Variants in METTL24 observed in about 807,000 individuals in gnomAD.
METTL24 encodes the protein methyltransferase like 24.
METTL24 carries 29 observed loss-of-function variants against 32.7 expected under a neutral mutation model. That is an observed-to-expected ratio of 0.89 (90% CI 0.66 to 1.21). The LOEUF (loss-of-function observed/expected upper bound fraction) is 1.21. Ranked by LOEUF, METTL24 falls within the 50% of genes most tolerant of loss-of-function variation. METTL24 has a pLI of 0.00. For synonymous variants in METTL24, 163 were observed against 179.5 expected (o/e 0.91, Z 0.73); for missense variants, 439 against 468.1 (o/e 0.94, Z 0.57).
rs1778144755 is a variant in METTL24 at position 110,245,786 on chromosome 6, T to C, written c.*160A>G. ...TTTAACAAGTATTGACTGTGCCCCATCACATGCCAAGCACTAGGCTGCATG... is the reference window on the plus strand; with the variant it reads ...TTTAACAAGTATTGACTGTGCCCCACCACATGCCAAGCACTAGGCTGCATG... On this transcript the variant is annotated 3_prime_UTR_variant, in exon 5 of 5. Coordinates refer to ENST00000338882, the MANE Select transcript of METTL24 (RefSeq NM_001123364.3). 1.5e-6 allele frequency: 1 copy of C among 669,280 alleles called. No individual in the cohort carries two copies. Among genetic ancestry groups the C allele is most frequent in the South Asian group, 1.8e-5 (1 of 54,056 alleles). 41.5% of individuals were successfully genotyped at this position (669,280 alleles called of 1,614,324 possible). A position where few individuals can be genotyped will look rare whatever the true frequency, so the allele number is the denominator to read the frequency against.
intron 1 of METTL24, chr6:110,332,680 G>A (rs1305036534): frequency 1.3e-5 from 2 of 156,176 alleles, no homozygotes; most frequent in Admixed American, 6.5e-5. Context: ...GGCTGAGGTG[G>A]GAGGATCACC....
chr6:110,262,681 G>A (rs1770761725), intron 4 of METTL24, among the ~76,000 whole-genome samples: 1 of 152,258 alleles, frequency 6.6e-6, no homozygotes, highest in Admixed American at 6.5e-5. Context: ...GAGAATTTTA[G>A]AGCAATATCC....
At chr6:110,261,201 G>A (rs1039660505) in intron 4 of METTL24, among the ~76,000 whole-genome samples, 9 of 152,194 alleles carry the variant, frequency 5.9e-5, no homozygotes, top group African/African-American at 1.9e-4. Flanking sequence ...AGACCCATCA[G>A]TGTGCTGTAT....
intron 1 of METTL24, among the ~76,000 whole-genome samples, chr6:110,356,547 C>T (rs760002099): frequency 9.2e-5 from 14 of 152,186 alleles, no homozygotes; most frequent in Admixed American, 2.6e-4. Flanking sequence ...TTTCTTGACT[C>T]CCCAGGCAGA....
chr6:110,274,246 C>T (rs562864419), intron 4 of METTL24, among the ~76,000 whole-genome samples: 23 of 152,280 alleles, frequency 1.5e-4, no homozygotes, highest in Non-Finnish European at 2.6e-4. Flanking sequence ...GTGCCCACCA[C>T]TATGCCCAGC....
chr6:110,341,636 A>T (rs1267941914), intron 1 of METTL24, among the ~76,000 whole-genome samples: 1 of 152,198 alleles, frequency 6.6e-6, no homozygotes, highest in Non-Finnish European at 1.5e-5. Context: ...TCAAACCTAA[A>T]ATGTATAGTA....
intron 4 of METTL24, among the ~76,000 whole-genome samples, chr6:110,297,346 A>G (rs1318009779): frequency 6.6e-6 from 1 of 152,220 alleles, no homozygotes; most frequent in Non-Finnish European, 1.5e-5. Flanking sequence ...TCCGCAGATC[A>G]CTTTTTCAAA....
At chr6:110,352,132 T>G (rs1405186161) in intron 1 of METTL24, among the ~76,000 whole-genome samples, 1 of 152,220 alleles carries the variant, frequency 6.6e-6, no homozygotes, top group Non-Finnish European at 1.5e-5. Flanking sequence ...GCTACAGCCT[T>G]AGGTAACTCA....
intron 4 of METTL24, among the ~76,000 whole-genome samples, chr6:110,264,341 C>A (rs1175234719): frequency 2.0e-5 from 3 of 152,138 alleles, no homozygotes; most frequent in African/African-American, 7.2e-5. Context: ...CAAAAGAAGA[C>A]ATTTATGCAG....
chr6:110,273,772 G>A (rs1464988503), intron 4 of METTL24, among the ~76,000 whole-genome samples: 1 of 152,162 alleles, frequency 6.6e-6, no homozygotes, highest in African/African-American at 2.4e-5. Flanking sequence ...TACAGTACTG[G>A]TGAAAATGTA....
At chr6:110,288,965 G>A (rs1771272518) in intron 4 of METTL24, among the ~76,000 whole-genome samples, 1 of 152,106 alleles carries the variant, frequency 6.6e-6, no homozygotes, top group African/African-American at 2.4e-5. Context: ...ACTAGCTGCT[G>A]GCCTAAGAAG....
intron 4 of METTL24, among the ~76,000 whole-genome samples, chr6:110,277,383 G>C (rs1366203850): frequency 6.6e-6 from 1 of 152,086 alleles, no homozygotes; most frequent in Non-Finnish European, 1.5e-5. Flanking sequence ...TAATTTCAAG[G>C]AATAAAAACC....
chr6:110,336,542 C>A (rs916788402), intron 1 of METTL24, among the ~76,000 whole-genome samples: 1 of 151,952 alleles, frequency 6.6e-6, no homozygotes, highest in Non-Finnish European at 1.5e-5. Flanking sequence ...AGATAGAGAC[C>A]ATCCTGGCTA....
rs1170559061 is a variant in METTL24, at chr6:110,358,198, G to A, written c.75C>T (p.Phe25=). The A allele has an allele frequency of 1.4e-6, 2 of 1,458,020 alleles. No individual in the cohort carries two copies. The highest frequency in any genetic ancestry group is 3.0e-5 in the East Asian group (1 of 33,154). The allele number at this position is 1,458,020 out of a possible 1,614,324, so 90.3% of individuals were successfully genotyped here. Residue 25 remains phenylalanine (F), a synonymous_variant, in exon 1 of 5, where the codon TTC becomes TTT. Coordinates refer to ENST00000338882, the MANE Select transcript of METTL24 (RefSeq NM_001123364.3). The part of the protein sequence containing the change: ...RRCLLGAVLL[F]GLRLCAELRR... The stretch of plus-strand genomic sequence containing the variant: ...GCAGCTCTGCGCAGAGCCGCAGGCC[G>A]AACAACAGCACAGCCCCGAGTAGAC...
In METTL24 at chr6:110,246,184, T is replaced by A. The variant is rs767078233; in HGVS notation, c.863A>T (p.Glu288Val). Reference sequence around the variant, plus strand: ...CTCAAAGATGAGCTGTCCAATCTGCTCAAGAACATCTTCCAGAATAAGATT... The same window carrying A: ...CTCAAAGATGAGCTGTCCAATCTGCACAAGAACATCTTCCAGAATAAGATT... ...LENLILEDVL[E>V]QIGQLIFEIH... Residue 288 changes from glutamate (E) to valine (V), a missense_variant, in exon 5 of 5, where the codon GAG becomes GTG. Physicochemically the swap from Glu to Val is moderately radical, Grantham distance 121 (BLOSUM62 -2). Transcript: ENST00000338882. 13 of 1,614,024 alleles carry A rather than the reference T, an allele frequency of 8.1e-6. No homozygotes were observed. Among genetic ancestry groups the A allele is most frequent in the Non-Finnish European group, 1.1e-5 (13 of 1,180,016 alleles).
intron 2 of METTL24, among the ~76,000 whole-genome samples, chr6:110,317,963 C>A (rs1771855846): frequency 6.6e-6 from 1 of 152,066 alleles, no homozygotes; most frequent in Non-Finnish European, 1.5e-5. Flanking sequence ...TTTGTAAAGC[C>A]CCAGTGAAAG....
intron 4 of METTL24, among the ~76,000 whole-genome samples, chr6:110,261,849 C>T (rs1770737708): frequency 1.3e-5 from 2 of 152,158 alleles, no homozygotes; most frequent in Non-Finnish European, 2.9e-5. Context: ...AACTCAACAA[C>T]CTGCTCCTGA....
chr6:110,275,787 A>G (rs1361499185), intron 4 of METTL24, among the ~76,000 whole-genome samples: 1 of 152,194 alleles, frequency 6.6e-6, no homozygotes, highest in African/African-American at 2.4e-5. Flanking sequence ...TACCTATGGC[A>G]TAGAGTATGA....
intron 3 of METTL24, among the ~76,000 whole-genome samples, chr6:110,311,304 C>G (rs1011633755): frequency 2.0e-5 from 3 of 152,078 alleles, no homozygotes; most frequent in Admixed American, 2.0e-4. Context: ...CCCAAAGCCT[C>G]TTTTTCTAGG....
Sources: allele counts gnomAD v4.1 joint callset (sites outside exome capture counted in the v4.1 genomes callset), GRCh38; gene constraint gnomAD v4.1.1; transcripts MANE v1.5; gene names NCBI Gene and HGNC (gene_info 2026-07-23, HGNC 2026-07-21).